ACTN1: variants seen among roughly 807,000 people sequenced by gnomAD.
The protein encoded by ACTN1 is alpha-actinin-1.
In ACTN1, 30 loss-of-function variants were observed where a neutral mutation model predicts 119.6. The ratio of observed to expected loss-of-function variants is 0.25; its 90% CI spans 0.19 to 0.34. ACTN1 has a LOEUF of 0.34. Ranked by LOEUF, ACTN1 falls within the 10% of genes least tolerant of loss-of-function variation. ACTN1 has a pLI of 1.00. For missense variants in ACTN1, 764 were observed against 1,223.4 expected (o/e 0.62, Z 5.60); for synonymous variants, 429 against 472.6 (o/e 0.91, Z 1.20).
At chr14:68,900,708 G>A (rs530699593) in intron 8 of ACTN1, among the ~76,000 whole-genome samples, 1 of 152,180 alleles carries the variant, frequency 6.6e-6, no homozygotes, top group South Asian at 2.1e-4. Context: ...ATCTTCAAGT[G>A]TCCTGGCCAA....
chr14:68,919,475 T>A (rs1202638240), intron 3 of ACTN1, among the ~76,000 whole-genome samples: 1 of 152,276 alleles, frequency 6.6e-6, no homozygotes, highest in African/African-American at 2.4e-5. Flanking sequence ...TGTTCTTTTC[T>A]TATTATAAGG....
chr14:68,887,401 GAAGT>G, intron 11 of ACTN1: 1 of 590,542 alleles, frequency 1.7e-6, no homozygotes, highest in Non-Finnish European at 2.5e-6. Context: ...CATGGCAACA[GAAGT>G]AATTTAAAAT....
chr14:68,881,979 A>C (rs762759124), intron 16 of ACTN1, among the ~76,000 whole-genome samples: 110 of 110,728 alleles, frequency 9.9e-4, no homozygotes, highest in Non-Finnish European at 1.5e-3. Flanking sequence ...TCTGTTGCCC[A>C]AGCTGCAGTG....
At chr14:68,959,871 G>A (rs1298765019) in intron 1 of ACTN1, among the ~76,000 whole-genome samples, 1 of 152,114 alleles carries the variant, frequency 6.6e-6, no homozygotes, top group Non-Finnish European at 1.5e-5. Context: ...ACATATAACT[G>A]ACTCCCCAAA....
In ACTN1 at chr14:68,879,835, T is replaced by A; in HGVS notation, c.2280+127A>T. 1 of 1,366,890 alleles carries A rather than the reference T, an allele frequency of 7.3e-7. No homozygotes were observed. Among genetic ancestry groups the A allele is most frequent in the Non-Finnish European group, 9.9e-7 (1 of 1,009,420 alleles). 84.7% of individuals were successfully genotyped at this position (1,366,890 alleles called of 1,614,324 possible). A position where few individuals can be genotyped will look rare whatever the true frequency, so the allele number is the denominator to read the frequency against. On this transcript the variant is annotated intron_variant, in intron 18 of 21. Transcript: ENST00000394419. This position sits in a 1 kb window ranked among gnomAD's most constrained non-coding sequence, Gnocchi z 4.9. Reference sequence around the variant, plus strand: ...CAGGGTGCATTGAGTCAGGGCAGGCTGACGGCAGTTTCCCCTTTCTCTCCC... The same window carrying A: ...CAGGGTGCATTGAGTCAGGGCAGGCAGACGGCAGTTTCCCCTTTCTCTCCC...
intron 1 of ACTN1, among the ~76,000 whole-genome samples, chr14:68,961,567 C>T (rs924748386): frequency 2.6e-5 from 4 of 152,094 alleles, no homozygotes; most frequent in East Asian, 3.9e-4. Flanking sequence ...CGCGGGGGCA[C>T]GGGGGTGGGC....
chr14:68,883,136 C>A, intron 14 of ACTN1, 81 bp from the exon 15 acceptor site: 1 of 1,441,446 alleles, frequency 6.9e-7, no homozygotes, highest in Non-Finnish European at 9.6e-7. Context: ...AGGTTGAGTT[C>A]CACACCAGCT....
chr14:68,924,444 C>T (rs560819561), intron 2 of ACTN1, among the ~76,000 whole-genome samples: 2 of 152,182 alleles, frequency 1.3e-5, no homozygotes, highest in African/African-American at 2.4e-5. Context: ...GGCAGAGGAT[C>T]GAAGGTCTGA....
chr14:68,920,916 A>G (rs1286444652), intron 3 of ACTN1, 90 bp downstream of exon 3: 3 of 1,529,274 alleles, frequency 2.0e-6, no homozygotes, highest in Non-Finnish European at 2.7e-6. Flanking sequence ...CAAGTGATGC[A>G]TGGGCCCAGG....
intron 1 of ACTN1, among the ~76,000 whole-genome samples, chr14:68,938,771 A>C (rs1450344690): frequency 6.6e-6 from 1 of 152,236 alleles, no homozygotes; most frequent in Non-Finnish European, 1.5e-5. Flanking sequence ...GTCAGCGGTC[A>C]GCATGCTCTC....
rs1291443101 is a variant in ACTN1, at chr14:68,874,600, T to C, written c.*259A>G. Reference sequence around the variant, plus strand: ...AGTTAATCTTTCCTCTTTTTTTCCATTTGTCTGGTGGAGAAAAAATACTTT... The same window carrying C: ...AGTTAATCTTTCCTCTTTTTTTCCACTTGTCTGGTGGAGAAAAAATACTTT... On this transcript the variant is annotated 3_prime_UTR_variant, in exon 22 of 22. Coordinates refer to ENST00000394419, the MANE Select transcript of ACTN1 (RefSeq NM_001130004.2). 5 of 327,494 alleles carry C rather than the reference T, an allele frequency of 1.5e-5. No homozygotes were observed. The East Asian group carries it at 2.4e-4, about 16-fold the overall frequency. The allele number at this position is 327,494 out of a possible 1,614,324, so 20.3% of individuals were successfully genotyped here. A position where few individuals can be genotyped will look rare whatever the true frequency, so the allele number is the denominator to read the frequency against.
chr14:68,962,761 C>T (rs1213802447), intron 1 of ACTN1, among the ~76,000 whole-genome samples: 2 of 152,256 alleles, frequency 1.3e-5, no homozygotes, highest in African/African-American at 4.8e-5. Flanking sequence ...CTGCTCTAAG[C>T]AGCCCAGGTC....
At chr14:68,920,863 G>A (rs2034606038) in intron 3 of ACTN1, 143 bp downstream of exon 3, 4 of 1,169,644 alleles carry the variant, frequency 3.4e-6, no homozygotes, top group Non-Finnish European at 4.8e-6. Context: ...AGCCTCCACA[G>A]GCGACCAGAT....
chr14:68,947,967 C>G (rs2035995696), intron 1 of ACTN1, among the ~76,000 whole-genome samples: 2 of 152,196 alleles, frequency 1.3e-5, no homozygotes, highest in Admixed American at 1.3e-4. Context: ...ATAATCCCTG[C>G]TTAGAGCACA....
intron 11 of ACTN1, 123 bp downstream of exon 11, chr14:68,890,016 T>C (rs1158014957): frequency 3.1e-5 from 45 of 1,429,416 alleles, no homozygotes; most frequent in Admixed American, 1.1e-4. Flanking sequence ...CCTAAAGCCA[T>C]GGAACTAGTA....
intron 1 of ACTN1, among the ~76,000 whole-genome samples, chr14:68,962,215 G>A (rs933330827): frequency 1.3e-5 from 2 of 152,152 alleles, no homozygotes; most frequent in African/African-American, 2.4e-5. Context: ...GGGCACGGGC[G>A]CCTGGGTGGT....
At chr14:68,888,894 C>G (rs1219407436) in intron 11 of ACTN1, among the ~76,000 whole-genome samples, 1 of 152,198 alleles carries the variant, frequency 6.6e-6, no homozygotes, top group African/African-American at 2.4e-5. Flanking sequence ...TTCCACGAAA[C>G]TGGTCCCCGG....
intron 1 of ACTN1, among the ~76,000 whole-genome samples, chr14:68,963,398 A>G (rs1024403964): frequency 1.6e-4 from 24 of 152,210 alleles, no homozygotes; most frequent in African/African-American, 5.3e-4. Flanking sequence ...CTGGGTGGCA[A>G]GCAGGTAGAT....
chr14:68,874,997 C>T lies in ACTN1; in HGVS notation c.2607G>A (p.Glu869=). 2 of 1,613,598 alleles carry T rather than the reference C, an allele frequency of 1.2e-6. No individual in the cohort carries two copies. Among genetic ancestry groups the T allele is most frequent in the Non-Finnish European group, 1.7e-6 (2 of 1,180,006 alleles). Residue 869 remains glutamate (E), a synonymous_variant, in exon 22 of 22, where the codon GAG becomes GAA. Transcript: ENST00000394419. ...GGTCGGGTGGCAGCTCGCGGCGCAG[C>T]TCGTCCATGGTAATGTAGTTCTGCG... ...AGDKNYITMD[E]LRRELPPDQA... is the part of the protein sequence containing the mutation.
Sources: gnomAD v4.1 joint callset for allele counts (sites outside exome capture counted in the v4.1 genomes callset) on GRCh38, gnomAD v4.1.1 for gene constraint, Gnocchi (gnomAD v3.1) non-coding constraint, MANE v1.5 for transcripts, NCBI Gene and HGNC (gene_info 2026-07-23, HGNC 2026-07-21) for gene names.